Variants in ACER3 observed in about 807,000 individuals in gnomAD.
ACER3 encodes the protein alkCDase 3.
ACER3 carries 16 observed loss-of-function variants against 48.9 expected under a neutral mutation model. The ratio of observed to expected loss-of-function variants is 0.33; its 90% CI spans 0.22 to 0.50. The LOEUF is 0.50. Ranked by LOEUF, ACER3 falls within the 20% of genes least tolerant of loss-of-function variation. The pLI is 0.98. For synonymous variants in ACER3, 109 were observed against 107.8 expected (o/e 1.01, Z -0.07); for missense variants, 227 against 326.0 (o/e 0.70, Z 2.34).
chr11:76,999,003 T>C (rs1247120989), intron 7 of ACER3, among the ~76,000 whole-genome samples, 182 bp downstream of exon 7: 1 of 152,144 alleles, frequency 6.6e-6, no homozygotes, highest in East Asian at 1.9e-4. Flanking sequence ...AAGTTGTTAA[T>C]GGGCATCATG....
At chr11:76,972,547 TTTC>T (rs1417811354) in intron 3 of ACER3, among the ~76,000 whole-genome samples, 1 of 151,332 alleles carries the variant, frequency 6.6e-6, no homozygotes, top group Non-Finnish European at 1.5e-5. Context: ...TTCTTTTCAC[TTTC>T]TTTTTTTTAA....
chr11:76,972,789 G>A (rs1948339717), intron 3 of ACER3, among the ~76,000 whole-genome samples: 1 of 152,158 alleles, frequency 6.6e-6, no homozygotes, highest in African/African-American at 2.4e-5. Flanking sequence ...CATGTACCAG[G>A]GGGTGAAGGT....
rs1949378458 is a variant in ACER3, at chr11:77,016,750, C to A, written c.675C>A (p.Gly225=). Residue 225 remains glycine (G), a synonymous_variant, in exon 9 of 11, where the codon GGC becomes GGA. Transcript: ENST00000532485. The part of the protein sequence containing the change: ...QFHAWWHILT[G]LGSYLHILFS... ...ATGCATGGTGGCATATTTTAACTGGCCTTGGTTCCTATCTTCACATCCTTT... is the reference window on the plus strand; with the variant it reads ...ATGCATGGTGGCATATTTTAACTGGACTTGGTTCCTATCTTCACATCCTTT... The A allele has an allele frequency of 6.3e-7, 1 of 1,597,528 alleles. No homozygotes were observed. Among genetic ancestry groups the A allele is most frequent in the Non-Finnish European group, 8.6e-7 (1 of 1,169,536 alleles).
At chr11:76,986,530 C>T (rs556984207) in intron 5 of ACER3, among the ~76,000 whole-genome samples, 1 of 152,278 alleles carries the variant, frequency 6.6e-6, no homozygotes, top group East Asian at 1.9e-4. Flanking sequence ...AGGCAGAGAA[C>T]TTTGAAACAA....
At chr11:76,972,504 G>C (rs890034568) in intron 3 of ACER3, among the ~76,000 whole-genome samples, 2 of 152,146 alleles carry the variant, frequency 1.3e-5, no homozygotes, top group African/African-American at 4.8e-5. Flanking sequence ...TCTGGATACA[G>C]ATATGATTTG....
At position 76,877,520 on chromosome 11, in the gene ACER3, T is replaced by C. The variant is rs1044022518; in HGVS notation, c.103+16441T>C. On this transcript the variant is annotated intron_variant, in intron 1 of 10. Coordinates refer to ENST00000532485, the MANE Select transcript of ACER3 (RefSeq NM_018367.7). ...TCTGAGTAGCAATTTTTCCTTTTTT[T>C]CCCCCCCATTTCTTTTTTTAAGCAG... Among the ~76,000 whole-genome samples the C allele has an allele frequency of 5.3e-5, 8 of 152,062 alleles. No individual in the cohort carries two copies. The East Asian group carries it at 7.7e-4, about 15-fold the overall frequency.
In ACER3 at chr11:76,967,911, T is replaced by C. The variant is rs1228535910; in HGVS notation, c.268-8378T>C. The stretch of plus-strand genomic sequence containing the variant: ...CAGGGATGTCCTCTCTCACCACTCC[T>C]ATTCAACATAGTGTTGGAAGTTCTG... On this transcript the variant is annotated intron_variant, in intron 3 of 10. Coordinates refer to ENST00000532485, the MANE Select transcript of ACER3 (RefSeq NM_018367.7). Among the ~76,000 whole-genome samples, 10 of 152,234 alleles carry C rather than the reference T, an allele frequency of 6.6e-5. No individual in the cohort carries two copies. In the East Asian group the frequency reaches 1.9e-3, roughly 29 times the overall value.
chr11:76,935,677 C>A (rs1269074498), intron 2 of ACER3, among the ~76,000 whole-genome samples: 2 of 152,154 alleles, frequency 1.3e-5, no homozygotes, highest in African/African-American at 4.8e-5. Context: ...CAGTTTTAAA[C>A]CTACAAATAC....
intron 6 of ACER3, among the ~76,000 whole-genome samples, chr11:76,997,399 G>A (rs1305469029): frequency 1.3e-5 from 2 of 152,140 alleles, no homozygotes; most frequent in East Asian, 3.9e-4. Context: ...GATTGTGATT[G>A]CTGTGAGTAT....
At chr11:76,936,740 CAG>C (rs1248133095) in intron 2 of ACER3, among the ~76,000 whole-genome samples, 1 of 141,358 alleles carries the variant, frequency 7.1e-6, no homozygotes, top group African/African-American at 2.6e-5. Context: ...TTTTTTAAGA[CAG>C]AGTCTCGCTC....
chr11:76,985,301 A>G (rs1277539367), intron 4 of ACER3, among the ~76,000 whole-genome samples: 6 of 152,018 alleles, frequency 3.9e-5, no homozygotes, highest in Non-Finnish European at 5.9e-5. Context: ...CAGGGTCTCA[A>G]TTTGTTACCC....
chr11:76,954,600 T>G (rs987507769), intron 2 of ACER3, among the ~76,000 whole-genome samples: 3 of 117,898 alleles, frequency 2.5e-5, no homozygotes, highest in African/African-American at 9.4e-5. Context: ...GGTTTTTTTT[T>G]TTGTTTTTTG....
intron 2 of ACER3, among the ~76,000 whole-genome samples, chr11:76,933,276 A>C (rs28437370): frequency 9.6e-5 from 12 of 125,036 alleles, no homozygotes; most frequent in Middle Eastern, 4.3e-3. Context: ...TATAATTTTT[A>C]TTTTTTTTAT....
intron 3 of ACER3, among the ~76,000 whole-genome samples, chr11:76,969,336 C>T (rs1183442710): frequency 6.6e-6 from 1 of 152,160 alleles, no homozygotes; most frequent in African/African-American, 2.4e-5. Flanking sequence ...AACACTTTTA[C>T]ACTGTTGGTG....
chr11:77,014,938 G>A (rs751747242), intron 7 of ACER3, 78 bp from the exon 8 acceptor site: 8 of 875,048 alleles, frequency 9.1e-6, no homozygotes, highest in Non-Finnish European at 9.5e-6. Context: ...AAAAAAGGAA[G>A]AAAGTGATGG....
chr11:76,992,410 A>T (rs1487780971), intron 6 of ACER3, among the ~76,000 whole-genome samples: 3 of 152,178 alleles, frequency 2.0e-5, no homozygotes, highest in Admixed American at 1.3e-4. Flanking sequence ...ACACTATGTA[A>T]TAAAAAACAA....
chr11:76,997,217 G>A (rs896899501), intron 6 of ACER3, among the ~76,000 whole-genome samples: 30 of 152,010 alleles, frequency 2.0e-4, no homozygotes, highest in Admixed American at 4.6e-4. Flanking sequence ...TAACTGCTAC[G>A]TGAGCTTCAG....
intron 6 of ACER3, among the ~76,000 whole-genome samples, chr11:76,996,383 C>T (rs903440132): frequency 4.2e-5 from 6 of 144,538 alleles, no homozygotes; most frequent in African/African-American, 1.5e-4. Flanking sequence ...ATTGGTGAAA[C>T]CTTCATTGGC....
chr11:76,910,237 C>T (rs373824805), intron 1 of ACER3, among the ~76,000 whole-genome samples: 2 of 152,056 alleles, frequency 1.3e-5, no homozygotes, highest in Admixed American at 6.6e-5. Flanking sequence ...CAAACCTGCA[C>T]GTTCTGCACA....
Sources: allele counts gnomAD v4.1 joint callset (sites outside exome capture counted in the v4.1 genomes callset), GRCh38; gene constraint gnomAD v4.1.1; transcripts MANE v1.5; gene names NCBI Gene and HGNC (gene_info 2026-07-23, HGNC 2026-07-21).